The following ERBB4 variants were observed in gnomAD, a reference collection of about 807,000 sequenced individuals.
ERBB4 encodes the protein erb-b2 receptor tyrosine kinase 4.
Under a neutral mutation model 158.0 loss-of-function variants are expected in ERBB4, and 42 were observed. The observed-to-expected ratio is 0.27, with a 90% confidence interval of 0.21 to 0.34. The LOEUF (loss-of-function observed/expected upper bound fraction) is 0.34, where lower values mean the gene tolerates loss of function less well. ERBB4 is among the 10% of genes least tolerant of loss of function. ERBB4 has a pLI of 1.00. For synonymous variants in ERBB4, 583 were observed against 558.7 expected (o/e 1.04, Z -0.61); for missense variants, 1,333 against 1,624.1 (o/e 0.82, Z 3.08).
chr2:211,705,127 T>C (rs1458028117), intron 10 of ERBB4, among the ~76,000 whole-genome samples, 191 bp downstream of exon 10: 1 of 152,020 alleles, frequency 6.6e-6, no homozygotes, highest in Non-Finnish European at 1.5e-5. Context: ...CAGCTAATTT[T>C]TGTATTTTTA....
intron 3 of ERBB4, among the ~76,000 whole-genome samples, chr2:211,935,365 C>G (rs1335485710): frequency 6.6e-6 from 1 of 152,110 alleles, no homozygotes; most frequent in Non-Finnish European, 1.5e-5. Flanking sequence ...AAGATATGCT[C>G]TCAATGCGGG....
intron 2 of ERBB4, among the ~76,000 whole-genome samples, chr2:212,015,994 A>G (rs2076520257): frequency 6.6e-6 from 1 of 151,924 alleles, no homozygotes; most frequent in Admixed American, 6.6e-5. Context: ...AAATATCTAT[A>G]ATTAGATTTT....
intron 1 of ERBB4, among the ~76,000 whole-genome samples, chr2:212,435,031 A>T (rs553285574): frequency 1.3e-5 from 2 of 152,018 alleles, no homozygotes; most frequent in South Asian, 4.1e-4. Context: ...AACTGAAATA[A>T]TTTTTTAGGC....
intron 2 of ERBB4, among the ~76,000 whole-genome samples, chr2:211,994,064 C>T (rs2082140104): frequency 6.6e-6 from 1 of 151,962 alleles, no homozygotes; most frequent in Non-Finnish European, 1.5e-5. Context: ...GTTTTGGACA[C>T]TCACTGCTTT....
At chr2:211,586,550 C>G (rs1271603433) in intron 19 of ERBB4, among the ~76,000 whole-genome samples, 1 of 152,110 alleles carries the variant, frequency 6.6e-6, no homozygotes, top group East Asian at 1.9e-4. Context: ...AGAATACTTC[C>G]TTTTACTTCT....
chr2:212,084,934 A>G (rs2078558310), intron 2 of ERBB4, among the ~76,000 whole-genome samples: 1 of 151,984 alleles, frequency 6.6e-6, no homozygotes, highest in Non-Finnish European at 1.5e-5. Flanking sequence ...CCCATTGACC[A>G]ATTACATGAC....
At chr2:211,845,410 C>T (rs2077565052) in intron 3 of ERBB4, among the ~76,000 whole-genome samples, 1 of 152,132 alleles carries the variant, frequency 6.6e-6, no homozygotes, top group African/African-American at 2.4e-5. Context: ...CTATAGAGGA[C>T]TGGCTGAGTA....
At chr2:212,504,448 A>C (rs2106252121) in intron 1 of ERBB4, among the ~76,000 whole-genome samples, 1 of 152,204 alleles carries the variant, frequency 6.6e-6, no homozygotes, top group Admixed American at 6.5e-5. Flanking sequence ...CTCTAGAGTA[A>C]CCATTAAAAA....
chr2:212,475,012 T>C (rs1689314235), intron 1 of ERBB4, among the ~76,000 whole-genome samples: 1 of 151,900 alleles, frequency 6.6e-6, no homozygotes, highest in African/African-American at 2.4e-5. Flanking sequence ...CCCAAACTGC[T>C]GGAATCACAG....
chr2:211,976,258 G>A (rs2081603641), intron 2 of ERBB4, among the ~76,000 whole-genome samples: 2 of 152,060 alleles, frequency 1.3e-5, no homozygotes, highest in African/African-American at 4.8e-5. Context: ...CCATTCTCTG[G>A]GGAATGAGGA....
At chr2:211,491,955 G>C (rs193022873) in intron 20 of ERBB4, among the ~76,000 whole-genome samples, 2 of 151,918 alleles carry the variant, frequency 1.3e-5, no homozygotes, top group East Asian at 3.9e-4. Context: ...CATTGTTATT[G>C]TTGGTACATA....
chr2:212,151,918 A>G (rs1310835231), intron 1 of ERBB4, among the ~76,000 whole-genome samples: 2 of 152,240 alleles, frequency 1.3e-5, no homozygotes, highest in South Asian at 2.1e-4. Context: ...CACATTTCAC[A>G]TTTCATAAGA....
chr2:212,449,504 T>C (rs966660092), intron 1 of ERBB4, among the ~76,000 whole-genome samples: 2 of 152,186 alleles, frequency 1.3e-5, no homozygotes, highest in Admixed American at 1.3e-4. Flanking sequence ...TAATTACGTA[T>C]AGCTTTCCCC....
intron 1 of ERBB4, among the ~76,000 whole-genome samples, chr2:212,262,001 C>T (rs1406305205): frequency 6.6e-6 from 1 of 151,750 alleles, no homozygotes; most frequent in Non-Finnish European, 1.5e-5. Context: ...TCTATAAATC[C>T]AACAAATACC....
In ERBB4 at chr2:212,446,578, C is replaced by CATATATATATATATATATAT. The variant is rs1491199974; in HGVS notation, c.82+91870_82+91871insATATATATATATATATATAT. Among the ~76,000 whole-genome samples the CATATATATATATATATATAT allele has an allele frequency of 5.2e-5, 3 of 57,232 alleles. 1 individual carries two copies. The highest frequency in any genetic ancestry group is 1.2e-4 in the African/African-American group (2 of 16,370). 37.5% of individuals were successfully genotyped at this position (57,232 alleles called of 152,430 possible). On this transcript the variant is annotated intron_variant, in intron 1 of 27. Transcript: ENST00000342788. ...TGTAAGTTAATACTTAATAAACTCC[C>CATATATATATATATATATAT]ATATATATATATGTATATATATATA...
At chr2:211,515,479 G>C (rs922833472) in intron 20 of ERBB4, among the ~76,000 whole-genome samples, 5 of 152,016 alleles carry the variant, frequency 3.3e-5, no homozygotes, top group African/African-American at 1.2e-4. Context: ...TGGATGGACA[G>C]GGGTAATGTC....
chr2:212,317,917 AAAAC>A (rs2087366838), intron 1 of ERBB4, among the ~76,000 whole-genome samples: 1 of 151,644 alleles, frequency 6.6e-6, no homozygotes, highest in Admixed American at 6.6e-5. Context: ...AACAATGCTC[AAAAC>A]TTATCTTTTC....
chr2:211,815,454 T>C (rs557626958), intron 3 of ERBB4, among the ~76,000 whole-genome samples: 4 of 152,298 alleles, frequency 2.6e-5, no homozygotes, highest in African/African-American at 9.6e-5. Context: ...TAAAAAGCAA[T>C]CTATCAAATT....
At chr2:211,948,890 C>G (rs2080788642) in intron 2 of ERBB4, among the ~76,000 whole-genome samples, 1 of 152,144 alleles carries the variant, frequency 6.6e-6, no homozygotes, top group African/African-American at 2.4e-5. Flanking sequence ...TTATACCCAA[C>G]TGTTTACTCA....
Sources: gnomAD v4.1 joint callset for allele counts (sites outside exome capture counted in the v4.1 genomes callset) on GRCh38, gnomAD v4.1.1 for gene constraint, MANE v1.5 for transcripts, NCBI Gene and HGNC (gene_info 2026-07-23, HGNC 2026-07-21) for gene names.